Variants in LHFPL6 observed in about 807,000 individuals in gnomAD.
LHFPL6 encodes the protein LHFPL tetraspan subfamily member 6, also known as LHFPL tetraspan subfamily member 6 protein.
In LHFPL6, 9 loss-of-function variants were observed where a neutral mutation model predicts 20.6. That is an observed-to-expected ratio of 0.44 (90% confidence interval 0.26 to 0.76). The LOEUF is 0.76. Ranked by LOEUF, LHFPL6 falls within the 30% of genes least tolerant of loss-of-function variation. The pLI is 0.20. For missense variants in LHFPL6, 218 were observed against 253.5 expected (o/e 0.86, Z 0.95); for synonymous variants, 105 against 98.7 (o/e 1.06, Z -0.38).
chr13:39,484,127 C>G (rs139978535), intron 2 of LHFPL6, among the ~76,000 whole-genome samples: 15 of 152,248 alleles, frequency 9.9e-5, no homozygotes, highest in Middle Eastern at 3.4e-3. Flanking sequence ...ACAATCATTT[C>G]CAAGTTTTTC....
chr13:39,465,543 C>T (rs1297229081), intron 2 of LHFPL6, among the ~76,000 whole-genome samples: 1 of 152,148 alleles, frequency 6.6e-6, no homozygotes, highest in African/African-American at 2.4e-5. Context: ...CACCAAACTG[C>T]CACCCGCAGT....
chr13:39,372,119 A>AT (rs1870180356), intron 3 of LHFPL6, among the ~76,000 whole-genome samples: 1 of 151,896 alleles, frequency 6.6e-6, no homozygotes, highest in African/African-American at 2.4e-5. Flanking sequence ...CTGCCTTGCT[A>AT]TAATAAGAGA....
chr13:39,507,389 A>G (rs577319061), intron 2 of LHFPL6, among the ~76,000 whole-genome samples: 193 of 152,290 alleles, frequency 1.3e-3, no homozygotes, highest in African/African-American at 4.6e-3. Flanking sequence ...AGAAAAAGAT[A>G]AACATTCTTG....
At chr13:39,399,733 G>A (rs1271898306) in intron 2 of LHFPL6, among the ~76,000 whole-genome samples, 1 of 152,152 alleles carries the variant, frequency 6.6e-6, no homozygotes, top group Admixed American at 6.5e-5. Context: ...GGCATCATCG[G>A]CACCTGAAAG....
At chr13:39,499,537 G>C (rs899802848) in intron 2 of LHFPL6, among the ~76,000 whole-genome samples, 2 of 150,726 alleles carry the variant, frequency 1.3e-5, no homozygotes, top group Non-Finnish European at 3.0e-5. Context: ...CTCAGTCCAC[G>C]AGGTCCAGGT....
intron 2 of LHFPL6, among the ~76,000 whole-genome samples, chr13:39,510,542 C>T (rs1263999042): frequency 6.6e-6 from 1 of 152,176 alleles, no homozygotes; most frequent in Non-Finnish European, 1.5e-5. Context: ...GCCTGAGAAA[C>T]TATAGTGTTT....
At chr13:39,543,443 GTGCT>G (rs1418378304) in intron 2 of LHFPL6, among the ~76,000 whole-genome samples, 4 of 152,154 alleles carry the variant, frequency 2.6e-5, no homozygotes, top group African/African-American at 9.7e-5. Flanking sequence ...ATCTGTCATG[GTGCT>G]GGCACATAAT....
intron 2 of LHFPL6, among the ~76,000 whole-genome samples, chr13:39,563,011 T>C (rs1431868268): frequency 4.0e-5 from 6 of 151,706 alleles, no homozygotes; most frequent in African/African-American, 7.3e-5. Flanking sequence ...TGCTAGTTGA[T>C]AATGAATGCA....
At chr13:39,441,103 C>T (rs954332924) in intron 2 of LHFPL6, among the ~76,000 whole-genome samples, 2 of 149,304 alleles carry the variant, frequency 1.3e-5, no homozygotes, top group Middle Eastern at 3.2e-3. Flanking sequence ...TCCCAAGTAG[C>T]TGGGACCACA....
intron 2 of LHFPL6, among the ~76,000 whole-genome samples, chr13:39,514,624 C>T (rs965940498): frequency 1.3e-5 from 2 of 152,190 alleles, no homozygotes; most frequent in Non-Finnish European, 1.5e-5. Flanking sequence ...GCATTATTAC[C>T]CAGCCAAAGT....
At chr13:39,385,432 C>T (rs1164235726) in intron 2 of LHFPL6, among the ~76,000 whole-genome samples, 2 of 152,188 alleles carry the variant, frequency 1.3e-5, no homozygotes, top group African/African-American at 4.8e-5. Context: ...TAGACAATTA[C>T]AAAAAGGTGG....
intron 2 of LHFPL6, among the ~76,000 whole-genome samples, chr13:39,391,635 T>C (rs893104621): frequency 1.2e-4 from 18 of 152,106 alleles, no homozygotes; most frequent in Non-Finnish European, 2.1e-4. Flanking sequence ...TTAGGATATA[T>C]ATTGTTTTCA....
intron 2 of LHFPL6, among the ~76,000 whole-genome samples, chr13:39,412,101 A>G (rs1485199383): frequency 1.3e-5 from 2 of 152,226 alleles, no homozygotes; most frequent in Admixed American, 1.3e-4. Flanking sequence ...TGTGAGCTAG[A>G]AATAAACTTT....
chr13:39,424,013 G>A (rs993450361), intron 2 of LHFPL6, among the ~76,000 whole-genome samples: 1 of 152,148 alleles, frequency 6.6e-6, no homozygotes, highest in South Asian at 2.1e-4. Context: ...GCAAGGGGAA[G>A]GAAGAAGGTA....
chr13:39,343,175 T>C lies in LHFPL6; in HGVS notation c.*761A>G, dbSNP rs1869292704. ...TGCATATTGTGGAATAACATGGAAA[T>C]ACAAAGGCTTAACTCTAAAGGTCTG... is the stretch of plus-strand genomic sequence containing the variant. On this transcript the variant is annotated 3_prime_UTR_variant, in exon 4 of 4. Transcript: ENST00000379589. 1 of 208,140 alleles carries C rather than the reference T, an allele frequency of 4.8e-6. No individual in the cohort carries two copies. Among genetic ancestry groups the C allele is most frequent in the Non-Finnish European group, 9.8e-6 (1 of 102,068 alleles). The allele number at this position is 208,140 out of a possible 1,614,324, so 12.9% of individuals were successfully genotyped here. A position where few individuals can be genotyped will look rare whatever the true frequency, so the allele number is the denominator to read the frequency against.
At chr13:39,501,078 T>C (rs1294231630) in intron 2 of LHFPL6, among the ~76,000 whole-genome samples, 1 of 152,168 alleles carries the variant, frequency 6.6e-6, no homozygotes, top group Non-Finnish European at 1.5e-5. Context: ...TCCTCTATCT[T>C]AGTTGTTGAG....
intron 2 of LHFPL6, among the ~76,000 whole-genome samples, chr13:39,411,440 C>G (rs777733174): frequency 3.3e-5 from 5 of 152,318 alleles, no homozygotes; most frequent in Non-Finnish European, 2.9e-5. Context: ...AAGTGAGGTG[C>G]TTTTTGAAAT....
At chr13:39,518,317 T>TCTCAAA (rs879714928) in intron 2 of LHFPL6, among the ~76,000 whole-genome samples, 2 of 152,166 alleles carry the variant, frequency 1.3e-5, no homozygotes, top group Non-Finnish European at 2.9e-5. Context: ...ACACTTTAGG[T>TCTCAAA]CTCAAACAAC....
intron 2 of LHFPL6, among the ~76,000 whole-genome samples, chr13:39,491,663 A>AG (rs1414761780): frequency 7.9e-5 from 12 of 152,212 alleles, no homozygotes; most frequent in Non-Finnish European, 1.3e-4. Flanking sequence ...AGTGGGGACA[A>AG]GGGGAAAGGA....
Sources: allele counts gnomAD v4.1 joint callset (sites outside exome capture counted in the v4.1 genomes callset), GRCh38; gene constraint gnomAD v4.1.1; transcripts MANE v1.5; gene names NCBI Gene and HGNC (gene_info 2026-07-23, HGNC 2026-07-21).